Variants in KMT5B observed in about 807,000 individuals in gnomAD.
KMT5B encodes the protein histone-lysine N-methyltransferase KMT5B.
A neutral mutation model predicts 83.2 loss-of-function variants in KMT5B; 10 were observed. The ratio of observed to expected loss-of-function variants is 0.12; its 90% CI spans 0.07 to 0.20. The LOEUF is 0.20. Ranked by LOEUF, KMT5B falls within the 10% of genes least tolerant of loss-of-function variation. KMT5B has a pLI of 1.00. For missense variants in KMT5B, 753 were observed against 1,067.2 expected (o/e 0.71, Z 4.10); for synonymous variants, 349 against 388.8 (o/e 0.90, Z 1.20).
rs1474101138 is a variant in KMT5B, at chr11:68,175,006, T to C, written c.543+12A>G. 2 of 1,611,062 alleles carry C rather than the reference T, an allele frequency of 1.2e-6. No homozygotes were observed. The highest frequency in any genetic ancestry group is 1.7e-4 in the Middle Eastern group (1 of 6,048). The stretch of plus-strand genomic sequence containing the variant: ...CCAAATAGGTTAACAGCATCAGTCT[T>C]AATAAACTTACATGTTCTTTGAATA... On this transcript the variant is annotated intron_variant, in intron 5 of 10. Coordinates refer to ENST00000304363, the MANE Select transcript of KMT5B (RefSeq NM_017635.5).
At chr11:68,210,229 G>C (rs1372253228) in intron 1 of KMT5B, among the ~76,000 whole-genome samples, 2 of 148,014 alleles carry the variant, frequency 1.4e-5, no homozygotes, top group Non-Finnish European at 3.0e-5. Context: ...GAGTCATACA[G>C]GCCCCCAATC....
At chr11:68,202,916 G>A (rs529242961) in intron 1 of KMT5B, among the ~76,000 whole-genome samples, 38 of 152,148 alleles carry the variant, frequency 2.5e-4, no homozygotes, top group African/African-American at 8.0e-4. Flanking sequence ...TTGAGTACCC[G>A]CTTTAATTCT....
chr11:68,200,554 CGAGA>C lies in KMT5B; in HGVS notation c.-76-10406_-76-10403del, dbSNP rs577779079. Among the ~76,000 whole-genome samples the C allele has an allele frequency of 3.9e-4, 59 of 151,594 alleles. No individual in the cohort carries two copies. The South Asian group carries it at 5.6e-3, about 14-fold the overall frequency. ...AGATGGCAGAGGGCAATATCAGGAA[CGAGA>C]GAGAGAGAGACTGACTCGCAGGCCA... is the stretch of plus-strand genomic sequence containing the variant. On this transcript the variant is annotated intron_variant, in intron 1 of 10. Coordinates refer to ENST00000304363, the MANE Select transcript of KMT5B (RefSeq NM_017635.5).
At chr11:68,162,560 A>C (rs1303276325) in intron 10 of KMT5B, among the ~76,000 whole-genome samples, 1 of 152,122 alleles carries the variant, frequency 6.6e-6, no homozygotes, top group Non-Finnish European at 1.5e-5. Flanking sequence ...CTTCCTTGGT[A>C]CTTCTTATTT....
chr11:68,202,889 G>C (rs1270637291), intron 1 of KMT5B, among the ~76,000 whole-genome samples: 1 of 151,948 alleles, frequency 6.6e-6, no homozygotes, highest in Non-Finnish European at 1.5e-5. Flanking sequence ...GTGAACGTGG[G>C]TGTACAAAAT....
intron 10 of KMT5B, 132 bp from the exon 11 acceptor site, chr11:68,159,303 G>C (rs1854654544): frequency 7.8e-7 from 1 of 1,277,880 alleles, no homozygotes; most frequent in Non-Finnish European, 1.0e-6. Flanking sequence ...TCCTGCTGCA[G>C]ATTCTGCCAG....
At chr11:68,161,525 C>G (rs1374193576) in intron 10 of KMT5B, among the ~76,000 whole-genome samples, 1 of 152,142 alleles carries the variant, frequency 6.6e-6, no homozygotes, top group Non-Finnish European at 1.5e-5. Context: ...ATGTCATATT[C>G]TCAACAGCAA....
intron 1 of KMT5B, among the ~76,000 whole-genome samples, chr11:68,192,169 G>A (rs1010480126): frequency 6.6e-6 from 1 of 152,112 alleles, no homozygotes; most frequent in Non-Finnish European, 1.5e-5. Context: ...CACATTTCTA[G>A]AATGTGTCCG....
chr11:68,192,491 CAGTA>C (rs958336304), intron 1 of KMT5B, among the ~76,000 whole-genome samples: 2 of 152,164 alleles, frequency 1.3e-5, no homozygotes, highest in African/African-American at 4.8e-5. Context: ...TCTCAGTAAA[CAGTA>C]AGAACCATCT....
intron 2 of KMT5B, among the ~76,000 whole-genome samples, chr11:68,187,412 T>C (rs1415379794): frequency 6.6e-6 from 1 of 152,248 alleles, no homozygotes; most frequent in Non-Finnish European, 1.5e-5. Context: ...TTCAAAATGT[T>C]TTCTGATTTC....
At chr11:68,182,735 ATT>A (rs1013344475) in intron 3 of KMT5B, among the ~76,000 whole-genome samples, 21 of 139,104 alleles carry the variant, frequency 1.5e-4, no homozygotes, top group Admixed American at 1.4e-4. Context: ...TTTCATTGTA[ATT>A]TTTTTTTTTT....
intron 4 of KMT5B, among the ~76,000 whole-genome samples, chr11:68,178,176 G>A (rs983960352): frequency 2.0e-5 from 3 of 152,192 alleles, no homozygotes; most frequent in South Asian, 2.1e-4. Flanking sequence ...ATCTTTACAC[G>A]TTCAATGTGA....
At chr11:68,210,065 C>G (rs1860690830) in intron 1 of KMT5B, among the ~76,000 whole-genome samples, 1 of 152,154 alleles carries the variant, frequency 6.6e-6, no homozygotes, top group Non-Finnish European at 1.5e-5. Flanking sequence ...CCAAGATGAT[C>G]TCAATTCCTG....
chr11:68,170,048 T>G (rs1416802028), intron 9 of KMT5B, among the ~76,000 whole-genome samples: 1 of 152,176 alleles, frequency 6.6e-6, no homozygotes, highest in African/African-American at 2.4e-5. Context: ...TGGAAATCCC[T>G]GGCTATCCAG....
chr11:68,158,825 C>G lies in KMT5B; in HGVS notation c.1521G>C (p.Gly507=). Residue 507 remains glycine, a synonymous_variant, in exon 11 of 11, where the codon GGG becomes GGC. Coordinates refer to ENST00000304363, the MANE Select transcript of KMT5B (RefSeq NM_017635.5). ...CTCTCGCCGCGTGTCTAGTCAAGCA[C>G]CCGCTGGCAACTGCGGCTTGGGCTG... ...EGPAQAAVAS[G]CLTRHAAREH... 6.2e-7 allele frequency: 1 copy of G among 1,614,172 alleles called. No individual in the cohort carries two copies. Among genetic ancestry groups the G allele is most frequent in the Non-Finnish European group, 8.5e-7 (1 of 1,180,046 alleles).
intron 5 of KMT5B, among the ~76,000 whole-genome samples, chr11:68,174,762 C>T (rs922098750): frequency 1.3e-5 from 2 of 152,094 alleles, no homozygotes; most frequent in South Asian, 2.1e-4. Context: ...AGGCTGGTCT[C>T]GAAGTCCTGG....
chr11:68,210,141 G>A (rs2153093211), intron 1 of KMT5B, among the ~76,000 whole-genome samples: 1 of 152,246 alleles, frequency 6.6e-6, no homozygotes, highest in African/African-American at 2.4e-5. Context: ...CACCGTACCC[G>A]GCCGGTACTG....
intron 1 of KMT5B, among the ~76,000 whole-genome samples, chr11:68,206,978 C>A (rs1860193393): frequency 6.6e-6 from 1 of 152,040 alleles, no homozygotes; most frequent in African/African-American, 2.4e-5. Context: ...CACAGTGGCT[C>A]ACGTCTGTAA....
At chr11:68,207,177 G>A (rs1374688513) in intron 1 of KMT5B, among the ~76,000 whole-genome samples, 1 of 150,034 alleles carries the variant, frequency 6.7e-6, no homozygotes, top group Non-Finnish European at 1.5e-5. Flanking sequence ...TTGCGCCACT[G>A]CACTCCAGCC....
Sources: allele counts gnomAD v4.1 joint callset (sites outside exome capture counted in the v4.1 genomes callset), GRCh38; gene constraint gnomAD v4.1.1; transcripts MANE v1.5; gene names NCBI Gene and HGNC (gene_info 2026-07-23, HGNC 2026-07-21).